MARCHF5: variants seen among roughly 807,000 people sequenced by gnomAD.
The protein encoded by MARCHF5 is membrane associated ring-CH-type finger 5.
In MARCHF5, 5 loss-of-function variants were observed where a neutral mutation model predicts 36.5. That is an observed-to-expected ratio of 0.14 (90% CI 0.07 to 0.29). The LOEUF (loss-of-function observed/expected upper bound fraction) is 0.29. MARCHF5 is among the 10% of genes least tolerant of loss of function. The pLI is 1.00. For missense variants in MARCHF5, 179 were observed against 336.3 expected (o/e 0.53, Z 3.66); for synonymous variants, 103 against 109.9 (o/e 0.94, Z 0.39).
At chr10:92,300,512 GATC>G (rs1441943553) in intron 1 of MARCHF5, among the ~76,000 whole-genome samples, 3 of 151,766 alleles carry the variant, frequency 2.0e-5, no homozygotes, top group Admixed American at 2.0e-4. Context: ...AAAAAAAAGA[GATC>G]ATATTCTTTA....
At chr10:92,322,985 C>G (rs1440684537) in intron 2 of MARCHF5, among the ~76,000 whole-genome samples, 1 of 152,184 alleles carries the variant, frequency 6.6e-6, no homozygotes, top group Non-Finnish European at 1.5e-5. Context: ...ATCCACCCAC[C>G]TTGGCCTCCC....
intron 3 of MARCHF5, among the ~76,000 whole-genome samples, chr10:92,343,204 G>A (rs899291090): frequency 5.3e-5 from 8 of 152,204 alleles, no homozygotes; most frequent in East Asian, 1.9e-4. Flanking sequence ...TTTGGCTTAC[G>A]TCACCTTCCC....
At chr10:92,308,195 C>T (rs537773781) in intron 1 of MARCHF5, among the ~76,000 whole-genome samples, 1 of 152,104 alleles carries the variant, frequency 6.6e-6, no homozygotes, top group African/African-American at 2.4e-5. Context: ...CCCTCCTCAG[C>T]CTCCCAAAGT....
intron 3 of MARCHF5, among the ~76,000 whole-genome samples, chr10:92,341,254 T>G (rs569897526): frequency 1.2e-4 from 19 of 152,050 alleles, no homozygotes; most frequent in Admixed American, 6.5e-4. Context: ...AATACAAAAA[T>G]TAGCTGGGAG....
chr10:92,317,790 G>A (rs1812851), intron 2 of MARCHF5, among the ~76,000 whole-genome samples: 50,425 of 144,852 alleles, frequency 0.35, 10,642 homozygotes, highest in Middle Eastern at 0.54. Flanking sequence ...TCGCTCTGTT[G>A]CCCAGGCTGG....
intron 2 of MARCHF5, among the ~76,000 whole-genome samples, chr10:92,312,403 G>A (rs1564945529): frequency 5.9e-5 from 9 of 152,204 alleles, no homozygotes. Context: ...AGAAAGTAGT[G>A]TTTTCAAACA....
intron 5 of MARCHF5, among the ~76,000 whole-genome samples, chr10:92,350,596 A>G (rs900446531): frequency 6.6e-6 from 1 of 152,170 alleles, no homozygotes. Context: ...ATTTCCCAGT[A>G]GATAAGTTCA....
At chr10:92,329,711 A>G (rs1440640192) in intron 2 of MARCHF5, among the ~76,000 whole-genome samples, 2 of 152,244 alleles carry the variant, frequency 1.3e-5, no homozygotes, top group African/African-American at 4.8e-5. Context: ...CTTCAGAGAA[A>G]TGTTTTCTTT....
chr10:92,307,746 G>A (rs1843093074), intron 1 of MARCHF5, among the ~76,000 whole-genome samples: 1 of 151,792 alleles, frequency 6.6e-6, no homozygotes, highest in South Asian at 2.1e-4. Flanking sequence ...ATGGTGGCGG[G>A]CACCCTGTAA....
At chr10:92,348,211 A>G (rs1371128019) in intron 3 of MARCHF5, among the ~76,000 whole-genome samples, 1 of 136,290 alleles carries the variant, frequency 7.3e-6, no homozygotes, top group Non-Finnish European at 1.6e-5. Flanking sequence ...ATTTTTGGCC[A>G]GGCACGGTGG....
chr10:92,308,277 G>A (rs1461992518), intron 1 of MARCHF5, among the ~76,000 whole-genome samples: 4 of 152,078 alleles, frequency 2.6e-5, no homozygotes, highest in Admixed American at 6.6e-5. Context: ...GGGTAACTTC[G>A]TGACGTTGCC....
intron 3 of MARCHF5, among the ~76,000 whole-genome samples, chr10:92,345,435 G>A (rs1337536585): frequency 1.3e-5 from 2 of 152,104 alleles, no homozygotes; most frequent in Non-Finnish European, 1.5e-5. Flanking sequence ...AACCTGGGAG[G>A]CAGAGGTTGT....
At chr10:92,301,071 G>A (rs10437471) in intron 1 of MARCHF5, among the ~76,000 whole-genome samples, 2 of 151,916 alleles carry the variant, frequency 1.3e-5, no homozygotes, top group African/African-American at 4.8e-5. Context: ...ATTTTTAGTA[G>A]AAACAGGGTT....
At chr10:92,348,720 A>G (rs1364577291) in intron 3 of MARCHF5, among the ~76,000 whole-genome samples, 1 of 152,144 alleles carries the variant, frequency 6.6e-6, no homozygotes, top group African/African-American at 2.4e-5. Flanking sequence ...GAATTGGGAA[A>G]AATGCCTGGG....
chr10:92,324,749 T>G (rs558339356), intron 2 of MARCHF5, among the ~76,000 whole-genome samples: 51 of 152,228 alleles, frequency 3.4e-4, no homozygotes, highest in Non-Finnish European at 5.7e-4. Flanking sequence ...TTTGACTCAC[T>G]GATTATTTAG....
chr10:92,339,524 G>T (rs1467955955), intron 2 of MARCHF5, among the ~76,000 whole-genome samples: 1 of 152,056 alleles, frequency 6.6e-6, no homozygotes, highest in African/African-American at 2.4e-5. Flanking sequence ...ACAAAAATTA[G>T]CTGGGCATGG....
intron 2 of MARCHF5, among the ~76,000 whole-genome samples, chr10:92,313,345 C>T (rs1361495420): frequency 6.6e-6 from 1 of 152,082 alleles, no homozygotes; most frequent in Non-Finnish European, 1.5e-5. Context: ...TGGCTCACAC[C>T]TGTAATCCCA....
intron 3 of MARCHF5, among the ~76,000 whole-genome samples, chr10:92,347,523 T>TATATA (rs58664499): frequency 1.2e-5 from 1 of 86,874 alleles, no homozygotes; most frequent in African/African-American, 4.6e-5. Context: ...GATAGATAGA[T>TATATA]GATAGATATA....
At chr10:92,336,640 A>G (rs544693722) in intron 2 of MARCHF5, among the ~76,000 whole-genome samples, 3 of 152,188 alleles carry the variant, frequency 2.0e-5, no homozygotes, top group African/African-American at 4.8e-5. Context: ...CATTGAGGTC[A>G]AGAAGAAGAG....
Sources: allele counts gnomAD v4.1 joint callset (sites outside exome capture counted in the v4.1 genomes callset), GRCh38; gene constraint gnomAD v4.1.1; transcripts MANE v1.5; gene names NCBI Gene and HGNC (gene_info 2026-07-23, HGNC 2026-07-21).